Variants in ANKRD11 observed in about 807,000 individuals in gnomAD.
The protein encoded by ANKRD11 is ankyrin repeat domain 11, also known as ankyrin repeat domain-containing protein 11.
A neutral mutation model predicts 195.7 loss-of-function variants in ANKRD11; 17 were observed. The ratio of observed to expected loss-of-function variants is 0.09; its 90% CI spans 0.06 to 0.13. The LOEUF (loss-of-function observed/expected upper bound fraction) is 0.13. Ranked by LOEUF, ANKRD11 falls within the 10% of genes least tolerant of loss-of-function variation. The pLI is 1.00. For synonymous variants in ANKRD11, 1,953 were observed against 1,528.1 expected (o/e 1.28, Z -6.49); for missense variants, 3,735 against 3,566.1 (o/e 1.05, Z -1.21).
chr16:89,407,306 A>G lies in ANKRD11; in HGVS notation c.-60+10978T>C, dbSNP rs192432987. Among the ~76,000 whole-genome samples, 97 of 152,182 alleles carry G rather than the reference A, an allele frequency of 6.4e-4. No homozygotes were observed. In the East Asian group the frequency reaches 0.013, roughly 21 times the overall value. On this transcript the variant is annotated intron_variant, in intron 2 of 12. Coordinates refer to ENST00000301030, the MANE Select transcript of ANKRD11 (RefSeq NM_013275.6). ...ATTTTTATATAAGGAACACGGGGGG[A>G]AAAAGAAAAAAAAATTAAAAGGAAA...
In ANKRD11 at chr16:89,280,987, G is replaced by T. The variant is rs200546805; in HGVS notation, c.5555C>A (p.Ser1852Tyr). Residue 1852 changes from serine (S) to tyrosine (Y), a missense_variant, in exon 9 of 13, where the codon TCC (serine) becomes TAC (tyrosine). Transcript: ENST00000301030. ...KFACLSPGYY[S>Y]PDYGLPSPKV... ...GGGCGACGGGAGGCCATAGTCTGGG[G>T]AGTAGTACCCTGGCGACAAGCAGGC... The T allele has an allele frequency of 1.1e-5, 18 of 1,578,956 alleles. No homozygotes were observed. Among genetic ancestry groups the T allele is most frequent in the Middle Eastern group, 1.7e-4 (1 of 5,892 alleles).
At position 89,282,630 on chromosome 16, in the gene ANKRD11, G is replaced by A; in HGVS notation, c.3912C>T (p.Ser1304=). Residue 1304 remains serine (S), a synonymous_variant, in exon 9 of 13, where the codon TCC becomes TCT. Coordinates refer to ENST00000301030, the MANE Select transcript of ANKRD11 (RefSeq NM_013275.6). ...GCCCTCGGTCCGTGAAGCTGTCAGA[G>A]GAGACCTCGCTGATTTTATCGTTGG... ...EDSNDKISEV[S]SDSFTDRGQE... is the part of the protein sequence containing the mutation. The A allele has an allele frequency of 1.2e-6, 2 of 1,614,184 alleles. No individual in the cohort carries two copies. Among genetic ancestry groups the A allele is most frequent in the Non-Finnish European group, 1.7e-6 (2 of 1,180,042 alleles).
intron 2 of ANKRD11, chr16:89,324,678 C>A: frequency 2.8e-6 from 1 of 360,476 alleles, no homozygotes; most frequent in Admixed American, 3.6e-5. Context: ...ATACTTCCTG[C>A]CCTCGAACAT....
chr16:89,455,526 C>T (rs1376767289), intron 1 of ANKRD11, among the ~76,000 whole-genome samples: 1 of 152,120 alleles, frequency 6.6e-6, no homozygotes, highest in Non-Finnish European at 1.5e-5. Flanking sequence ...TCACTCCTTC[C>T]AACACTGCAT....
At chr16:89,313,906 C>T (rs1439604530) in intron 3 of ANKRD11, among the ~76,000 whole-genome samples, 1 of 152,222 alleles carries the variant, frequency 6.6e-6, no homozygotes, top group Non-Finnish European at 1.5e-5. Context: ...AGGAAAATGC[C>T]TGGCTTTACT....
At chr16:89,297,272 G>A (rs2035500433) in intron 4 of ANKRD11, among the ~76,000 whole-genome samples, 1 of 152,210 alleles carries the variant, frequency 6.6e-6, no homozygotes, top group Non-Finnish European at 1.5e-5. Context: ...GCGTCCCACC[G>A]TAAAACTCGA....
chr16:89,426,796 G>A (rs1016741378), intron 1 of ANKRD11, among the ~76,000 whole-genome samples: 1 of 152,226 alleles, frequency 6.6e-6, no homozygotes, highest in Non-Finnish European at 1.5e-5. Flanking sequence ...TGGACACTGG[G>A]AAACAGAAAA....
intron 1 of ANKRD11, among the ~76,000 whole-genome samples, chr16:89,468,573 C>T (rs1597502170): frequency 6.6e-6 from 1 of 152,214 alleles, no homozygotes; most frequent in Non-Finnish European, 1.5e-5. Context: ...AGCGCGGTGG[C>T]ACAGGCCTGT....
At chr16:89,349,505 A>C (rs1434506065) in intron 2 of ANKRD11, among the ~76,000 whole-genome samples, 2 of 152,164 alleles carry the variant, frequency 1.3e-5, no homozygotes, top group Non-Finnish European at 2.9e-5. Context: ...AGACCCACAT[A>C]AATATATAGT....
At chr16:89,366,291 C>T (rs907741474) in intron 2 of ANKRD11, among the ~76,000 whole-genome samples, 1 of 152,138 alleles carries the variant, frequency 6.6e-6, no homozygotes, top group Non-Finnish European at 1.5e-5. Context: ...AATGGACATT[C>T]GCCCGCATGT....
chr16:89,478,211 G>T (rs1006741702), intron 1 of ANKRD11, among the ~76,000 whole-genome samples: 4 of 152,170 alleles, frequency 2.6e-5, no homozygotes, highest in African/African-American at 9.7e-5. Context: ...CAGGCCTCTG[G>T]GGCCAGCAGA....
chr16:89,441,407 A>C (rs141809219), intron 1 of ANKRD11, among the ~76,000 whole-genome samples: 165 of 152,244 alleles, frequency 1.1e-3, no homozygotes, highest in African/African-American at 2.9e-3. Flanking sequence ...CCAATGTCAG[A>C]ATATATTCCA....
intron 1 of ANKRD11, chr16:89,420,164 G>C (rs1387395110): frequency 6.6e-6 from 1 of 152,248 alleles, no homozygotes; most frequent in Admixed American, 6.5e-5. Flanking sequence ...GTGAAAAGCA[G>C]CAAGTGTGCC....
chr16:89,407,899 T>A (rs376574956), intron 2 of ANKRD11, among the ~76,000 whole-genome samples: 7 of 151,616 alleles, frequency 4.6e-5, no homozygotes, highest in African/African-American at 1.7e-4. Flanking sequence ...TTAACTCCTT[T>A]GTCCACATAG....
chr16:89,481,046 G>A (rs1377553202), intron 1 of ANKRD11, among the ~76,000 whole-genome samples: 1 of 152,058 alleles, frequency 6.6e-6, no homozygotes, highest in Non-Finnish European at 1.5e-5. Context: ...CCACCACCCC[G>A]TTCCCCATTC....
At chr16:89,287,018 C>T (rs779443687) in intron 7 of ANKRD11, 159 of 1,289,446 alleles carry the variant, frequency 1.2e-4, no homozygotes, top group Non-Finnish European at 1.5e-4. Context: ...TGTGAGTTTT[C>T]TATGGTGACT....
intron 2 of ANKRD11, among the ~76,000 whole-genome samples, chr16:89,367,366 C>G (rs735814): frequency 2.0e-5 from 3 of 152,258 alleles, no homozygotes; most frequent in Non-Finnish European, 4.4e-5. Context: ...AGACCTCCCA[C>G]CACTGCTTCC....
chr16:89,445,984 A>G (rs1330940412), intron 1 of ANKRD11, among the ~76,000 whole-genome samples: 4 of 148,822 alleles, frequency 2.7e-5, no homozygotes, highest in Non-Finnish European at 4.5e-5. Context: ...ACAAAAACAA[A>G]AAAAAAAATT....
chr16:89,392,815 G>A (rs1452291419), intron 2 of ANKRD11: 1 of 150,008 alleles, frequency 6.7e-6, no homozygotes, highest in Non-Finnish European at 1.5e-5. Context: ...TAAACACTAG[G>A]TTAGGAAAAA....
Sources: allele counts gnomAD v4.1 joint callset (sites outside exome capture counted in the v4.1 genomes callset), GRCh38; gene constraint gnomAD v4.1.1; transcripts MANE v1.5; gene names NCBI Gene and HGNC (gene_info 2026-07-23, HGNC 2026-07-21).